The following SGCZ variants were observed in gnomAD, a reference collection of about 807,000 sequenced individuals.
SGCZ encodes sarcoglycan zeta, also known as zeta-sarcoglycan.
In SGCZ, 40 loss-of-function variants were observed where a neutral mutation model predicts 41.3. That is an observed-to-expected ratio of 0.97 (90% CI 0.75 to 1.26). The LOEUF is 1.26. SGCZ is among the 50% of genes most tolerant of loss of function. SGCZ has a pLI of 0.00. For synonymous variants in SGCZ, 206 were observed against 137.5 expected, an observed-to-expected ratio of 1.50 and a Z score of -3.49; for missense variants, 552 against 369.8, an observed-to-expected ratio of 1.49 and a Z score of -4.04.
intron 1 of SGCZ, among the ~76,000 whole-genome samples, chr8:14,574,531 C>G (rs1386524304): frequency 1.3e-5 from 2 of 152,196 alleles, no homozygotes; most frequent in African/African-American, 4.8e-5. Context: ...AGAATCTGAG[C>G]AGACAGGACT....
At chr8:14,880,779 A>T (rs1022154625) in intron 1 of SGCZ, among the ~76,000 whole-genome samples, 3 of 152,096 alleles carry the variant, frequency 2.0e-5, no homozygotes, top group Non-Finnish European at 4.4e-5. Context: ...CAGGAAGGGG[A>T]ACACCAGACA....
At chr8:14,559,691 T>G (rs1778143908) in intron 1 of SGCZ, among the ~76,000 whole-genome samples, 1 of 152,106 alleles carries the variant, frequency 6.6e-6, no homozygotes, top group African/African-American at 2.4e-5. Flanking sequence ...GTTTCCATTT[T>G]TTACCATTGA....
chr8:14,386,807 G>C (rs895824002), intron 2 of SGCZ, among the ~76,000 whole-genome samples: 2 of 152,084 alleles, frequency 1.3e-5, no homozygotes, highest in African/African-American at 4.8e-5. Flanking sequence ...AATTAGACAA[G>C]AAAAATTCAA....
chr8:14,504,486 G>C (rs767775737), intron 2 of SGCZ, among the ~76,000 whole-genome samples: 2 of 151,996 alleles, frequency 1.3e-5, no homozygotes, highest in Admixed American at 6.6e-5. Flanking sequence ...CACTCTATTG[G>C]TTTCTTGATT....
chr8:15,168,642 T>TTTCCC (rs148299728), intron 1 of SGCZ, among the ~76,000 whole-genome samples: 1 of 151,942 alleles, frequency 6.6e-6, no homozygotes, highest in African/African-American at 2.4e-5. Flanking sequence ...GGGACACCTG[T>TTTCCC]TCCCCTCTTT....
chr8:14,398,959 CAA>C (rs1798995668), intron 2 of SGCZ, among the ~76,000 whole-genome samples: 1 of 151,986 alleles, frequency 6.6e-6, no homozygotes, highest in East Asian at 1.9e-4. Context: ...TTTTAAATTT[CAA>C]CAAGTGTAAA....
At chr8:14,730,961 G>A (rs1585215686) in intron 1 of SGCZ, among the ~76,000 whole-genome samples, 1 of 151,722 alleles carries the variant, frequency 6.6e-6, no homozygotes, top group South Asian at 2.1e-4. Context: ...TTCAACCATT[G>A]TGGAAGACAG....
At chr8:14,272,253 C>T (rs889511875) in intron 3 of SGCZ, among the ~76,000 whole-genome samples, 1 of 152,206 alleles carries the variant, frequency 6.6e-6, no homozygotes, top group Admixed American at 6.5e-5. Flanking sequence ...ATCTTCCCAC[C>T]TTGGCCTCCC....
At chr8:14,531,735 G>T (rs906165490) in intron 2 of SGCZ, among the ~76,000 whole-genome samples, 1 of 151,868 alleles carries the variant, frequency 6.6e-6, no homozygotes, top group Admixed American at 6.6e-5. Flanking sequence ...TTCCCTACTA[G>T]TTTATTTTCT....
chr8:15,113,100 T>G (rs935776577), intron 1 of SGCZ, among the ~76,000 whole-genome samples: 2 of 151,392 alleles, frequency 1.3e-5, no homozygotes, highest in Non-Finnish European at 2.9e-5. Context: ...TTCCAACTAC[T>G]CAGGAGACTG....
At chr8:14,872,184 G>A (rs891186848) in intron 1 of SGCZ, among the ~76,000 whole-genome samples, 3 of 151,998 alleles carry the variant, frequency 2.0e-5, no homozygotes, top group Admixed American at 6.6e-5. Context: ...GAGGGGCTAG[G>A]GGAGGGATAG....
intron 2 of SGCZ, among the ~76,000 whole-genome samples, chr8:14,545,490 A>C (rs530199181): frequency 6.6e-6 from 1 of 152,194 alleles, no homozygotes; most frequent in East Asian, 1.9e-4. Flanking sequence ...TTAAAACTTA[A>C]AATTCTTTTT....
At chr8:14,914,652 C>A (rs1281331459) in intron 1 of SGCZ, among the ~76,000 whole-genome samples, 1 of 152,120 alleles carries the variant, frequency 6.6e-6, no homozygotes, top group Non-Finnish European at 1.5e-5. Context: ...CATAAAATAA[C>A]AAAGGCACTT....
Position 14,649,535 on chromosome 8 carries a change from T to C in SGCZ, c.40-94609A>G, listed in dbSNP as rs528661308. Among the ~76,000 whole-genome samples, 163 of 152,212 alleles carry C rather than the reference T, an allele frequency of 1.1e-3. 3 individuals carry two copies. Among genetic ancestry groups the C allele is most frequent in the African/African-American group, 3.7e-3 (152 of 41,528 alleles). On this transcript the variant is annotated intron_variant, in intron 1 of 7. Coordinates refer to ENST00000382080, the MANE Select transcript of SGCZ (RefSeq NM_139167.4). Reference sequence around the variant, plus strand: ...CAGGTCAACGGAAGGAGCCTGTATCTGAGATAGTGTTTTTGAGCAACAGCA... The same window carrying C: ...CAGGTCAACGGAAGGAGCCTGTATCCGAGATAGTGTTTTTGAGCAACAGCA...
At chr8:14,962,506 A>G (rs1300601980) in intron 1 of SGCZ, among the ~76,000 whole-genome samples, 1 of 152,142 alleles carries the variant, frequency 6.6e-6, no homozygotes, top group Admixed American at 6.5e-5. Context: ...AAACAATACT[A>G]CTTAAAGAAA....
chr8:14,612,496 T>C (rs1441439961), intron 1 of SGCZ, among the ~76,000 whole-genome samples: 4 of 152,180 alleles, frequency 2.6e-5, no homozygotes, highest in Non-Finnish European at 4.4e-5. Context: ...GGAAGTTCTT[T>C]ATAGCACTGT....
At chr8:14,889,379 C>T (rs943124150) in intron 1 of SGCZ, among the ~76,000 whole-genome samples, 5 of 151,864 alleles carry the variant, frequency 3.3e-5, no homozygotes, top group Non-Finnish European at 7.4e-5. Flanking sequence ...AAGTAATATA[C>T]TCTGAACCTT....
At chr8:14,568,444 GAA>G (rs386360409) in intron 1 of SGCZ, among the ~76,000 whole-genome samples, 20,303 of 127,740 alleles carry the variant, frequency 0.16, 1,607 homozygotes, top group East Asian at 0.3. Context: ...TACATTATCA[GAA>G]AAAAAAAAAA....
chr8:14,881,493 G>T (rs182625800), intron 1 of SGCZ, among the ~76,000 whole-genome samples: 1 of 152,012 alleles, frequency 6.6e-6, no homozygotes, highest in Non-Finnish European at 1.5e-5. Flanking sequence ...TGCAGCAGAG[G>T]GACAGGGACA....
Sources: allele counts gnomAD v4.1 joint callset (sites outside exome capture counted in the v4.1 genomes callset), GRCh38; gene constraint gnomAD v4.1.1; transcripts MANE v1.5; gene names NCBI Gene and HGNC (gene_info 2026-07-23, HGNC 2026-07-21).